The following DCDC1 variants were observed in gnomAD, a reference collection of about 807,000 sequenced individuals.
The protein encoded by DCDC1 is doublecortin domain-containing protein 1.
A neutral mutation model predicts 178.3 loss-of-function variants in DCDC1; 200 were observed. The observed-to-expected ratio is 1.12, with a 90% CI of 1.00 to 1.26. The LOEUF is 1.26. DCDC1 is among the 50% of genes most tolerant of loss of function. The pLI, the probability that DCDC1 is intolerant of heterozygous loss-of-function variation, is 0.00. For missense variants in DCDC1, 1,983 were observed against 1,749.2 expected (o/e 1.13, Z -2.38); for synonymous variants, 690 against 604.8 (o/e 1.14, Z -2.07).
Position 30,892,800 on chromosome 11 carries a change from C to A in DCDC1, c.5082+18G>T. The A allele has an allele frequency of 1.2e-6, 2 of 1,613,526 alleles. No homozygotes were observed. Among genetic ancestry groups the A allele is most frequent in the Non-Finnish European group, 8.5e-7 (1 of 1,179,654 alleles). ...TCAAACTCAGGCCTATGAAACACTC[C>A]TTTCACACTAGATTTACCTCTGAAA... On this transcript the variant is annotated intron_variant, in intron 36 of 38. Coordinates refer to ENST00000684477, the MANE Select transcript of DCDC1 (RefSeq NM_001387274.1).
At chr11:31,069,201 A>C (rs1024632420) in intron 18 of DCDC1, among the ~76,000 whole-genome samples, 2 of 152,154 alleles carry the variant, frequency 1.3e-5, no homozygotes. Flanking sequence ...TATAAAAATT[A>C]ATACTTTAAA....
chr11:31,189,637 G>C (rs947420126), intron 9 of DCDC1, among the ~76,000 whole-genome samples: 1 of 152,158 alleles, frequency 6.6e-6, no homozygotes, highest in Non-Finnish European at 1.5e-5. Flanking sequence ...GCTTCTAGAG[G>C]CTGTCAGCTT....
At chr11:31,130,905 G>A (rs138845224) in intron 10 of DCDC1, among the ~76,000 whole-genome samples, 8,231 of 32,046 alleles carry the variant, frequency 0.26, 3,082 homozygotes, top group Non-Finnish European at 0.38. Flanking sequence ...AAATTAGGCC[G>A]GGCGCGGTGG....
At chr11:30,925,092 A>T (rs1017175700) in intron 23 of DCDC1, among the ~76,000 whole-genome samples, 1 of 151,892 alleles carries the variant, frequency 6.6e-6, no homozygotes, top group African/African-American at 2.4e-5. Context: ...AAAAAAGTTT[A>T]ATTTATATAC....
At chr11:30,894,156 A>G in intron 35 of DCDC1, 92 bp downstream of exon 35, 4 of 1,481,998 alleles carry the variant, frequency 2.7e-6, no homozygotes, top group Non-Finnish European at 3.6e-6. Flanking sequence ...CTGAGAATAT[A>G]TTAACAGTAT....
chr11:31,051,762 G>A (rs1555027294), intron 20 of DCDC1, among the ~76,000 whole-genome samples: 1 of 152,120 alleles, frequency 6.6e-6, no homozygotes, highest in Non-Finnish European at 1.5e-5. Context: ...GTCGTTTTCA[G>A]ACAAACAAAT....
chr11:31,094,726 A>T (rs1396279353), intron 15 of DCDC1, among the ~76,000 whole-genome samples: 1 of 152,204 alleles, frequency 6.6e-6, no homozygotes, highest in Non-Finnish European at 1.5e-5. Flanking sequence ...AAATTTGTCC[A>T]AACTGTAGAA....
At chr11:30,873,362 T>TAGAGAGAGAGAGAGAG (rs1220218244) in intron 38 of DCDC1, among the ~76,000 whole-genome samples, 18 of 138,056 alleles carry the variant, frequency 1.3e-4, no homozygotes, top group African/African-American at 4.4e-4. Flanking sequence ...TATATATATA[T>TAGAGAGAGAGAGAGAG]ATAGAGAGAG....
chr11:31,345,147 A>AT (rs1341119294), intron 1 of DCDC1, among the ~76,000 whole-genome samples: 1 of 152,176 alleles, frequency 6.6e-6, no homozygotes, highest in Non-Finnish European at 1.5e-5. Context: ...GTCAAAGGCC[A>AT]TTTTTTAAAA....
chr11:31,263,396 A>C (rs538539358), intron 8 of DCDC1, among the ~76,000 whole-genome samples: 28 of 152,306 alleles, frequency 1.8e-4, no homozygotes, highest in African/African-American at 6.7e-4. Context: ...TGACACTCTT[A>C]TTAACCCCAA....
Position 30,937,055 on chromosome 11 carries a change from C to T in DCDC1, c.2716-5103G>A, listed in dbSNP as rs374887479. ...TCCTCTATTAGGAGGCTCATCATTA[C>T]CTTTATTTGTCCTTCCTCTATTCTT... On this transcript the variant is annotated intron_variant, in intron 21 of 38. Coordinates refer to ENST00000684477, the MANE Select transcript of DCDC1 (RefSeq NM_001387274.1). Among the ~76,000 whole-genome samples, 90 of 152,214 alleles carry T rather than the reference C, an allele frequency of 5.9e-4. No homozygotes were observed. In the South Asian group the frequency reaches 0.018, roughly 31 times the overall value.
chr11:31,331,358 T>C (rs771491715), intron 2 of DCDC1, among the ~76,000 whole-genome samples: 10 of 152,198 alleles, frequency 6.6e-5, no homozygotes, highest in African/African-American at 1.9e-4. Context: ...CTTTTCCTAA[T>C]TGAATATCCT....
chr11:30,944,965 T>A (rs1279380455), intron 21 of DCDC1, among the ~76,000 whole-genome samples: 2 of 132,830 alleles, frequency 1.5e-5, no homozygotes, highest in African/African-American at 5.8e-5. Flanking sequence ...ATGTCTTTTT[T>A]TTTTTTTTTT....
chr11:31,348,729 G>T (rs1429273294), intron 1 of DCDC1, among the ~76,000 whole-genome samples: 1 of 152,100 alleles, frequency 6.6e-6, no homozygotes, highest in Admixed American at 6.6e-5. Flanking sequence ...AACCTTACTA[G>T]GAGACATGGA....
intron 4 of DCDC1, among the ~76,000 whole-genome samples, chr11:31,306,944 A>C (rs954096213): frequency 1.3e-5 from 2 of 152,128 alleles, no homozygotes; most frequent in African/African-American, 2.4e-5. Flanking sequence ...GAAGATTTCT[A>C]AGTTTTGTCT....
intron 7 of DCDC1, among the ~76,000 whole-genome samples, chr11:31,285,547 C>T (rs1048581838): frequency 2.6e-4 from 40 of 152,190 alleles, no homozygotes; most frequent in African/African-American, 7.2e-4. Flanking sequence ...ATTCTGCAAT[C>T]GTACCATTAT....
At chr11:31,326,484 T>A (rs1243246619) in intron 3 of DCDC1, among the ~76,000 whole-genome samples, 1 of 152,196 alleles carries the variant, frequency 6.6e-6, no homozygotes, top group Non-Finnish European at 1.5e-5. Flanking sequence ...TAAAAATATG[T>A]GTAAGTACAC....
At chr11:31,013,089 T>C (rs978523376) in intron 20 of DCDC1, among the ~76,000 whole-genome samples, 1 of 152,232 alleles carries the variant, frequency 6.6e-6, no homozygotes, top group Non-Finnish European at 1.5e-5. Context: ...TATTCTGCAT[T>C]ATTTTATGCT....
chr11:31,221,219 A>G (rs1974225375), intron 9 of DCDC1, among the ~76,000 whole-genome samples: 1 of 152,212 alleles, frequency 6.6e-6, no homozygotes, highest in Admixed American at 6.5e-5. Flanking sequence ...TCAAGTAAAT[A>G]TCATCTAAAT....
Sources: allele counts gnomAD v4.1 joint callset (sites outside exome capture counted in the v4.1 genomes callset), GRCh38; gene constraint gnomAD v4.1.1; transcripts MANE v1.5; gene names NCBI Gene and HGNC (gene_info 2026-07-23, HGNC 2026-07-21).